The following TUBB6 variants were observed in gnomAD, a reference collection of about 807,000 sequenced individuals.
The protein encoded by TUBB6 is tubulin beta 6 class V.
In TUBB6, 18 loss-of-function variants were observed where a neutral mutation model predicts 32.3. The ratio of observed to expected loss-of-function variants is 0.56; its 90% CI spans 0.39 to 0.83. TUBB6 has a LOEUF of 0.83. Among genes scored for constraint, TUBB6 ranks in the 40% least tolerant of loss-of-function variants. The pLI is 0.00. For missense variants in TUBB6, 480 were observed against 632.0 expected (o/e 0.76, Z 2.58); for synonymous variants, 280 against 265.8 (o/e 1.05, Z -0.52).
chr18:12,325,115 G>T lies in TUBB6; in HGVS notation c.326G>T (p.Gly109Val). The T allele has an allele frequency of 1.3e-6, 2 of 1,599,264 alleles. No homozygotes were observed. Among genetic ancestry groups the T allele is most frequent in the Non-Finnish European group, 1.7e-6 (2 of 1,171,106 alleles). The change falls in exon 4 of 4, where the codon GGC (glycine) becomes GTC (valine). Residue 109 changes from glycine to valine, a missense_variant. Coordinates refer to ENST00000317702, the MANE Select transcript of TUBB6 (RefSeq NM_032525.3). Reference sequence around the variant, plus strand: ...TGGGCGAAAGGGCACTACACGGAGGGCGCGGAGCTGGTGGACGCAGTGCTG... The same window carrying T: ...TGGGCGAAAGGGCACTACACGGAGGTCGCGGAGCTGGTGGACGCAGTGCTG... ...NNWAKGHYTE[G>V]AELVDAVLDV... is the part of the protein sequence containing the mutation.
intron 2 of TUBB6, among the ~76,000 whole-genome samples, chr18:12,310,380 A>G (rs1163629601): frequency 6.6e-6 from 1 of 151,378 alleles, no homozygotes; most frequent in Non-Finnish European, 1.5e-5. Context: ...GGTCCCAGCT[A>G]CTTGGGAGGC....
intron 3 of TUBB6, among the ~76,000 whole-genome samples, chr18:12,321,792 AAAATT>A (rs1468416274): frequency 1.3e-5 from 2 of 152,256 alleles, no homozygotes; most frequent in South Asian, 2.1e-4. Context: ...CATTTTATTA[AAAATT>A]AAATTGACAA....
chr18:12,328,886 T>G (rs1907419208), downstream of TUBB6: 1 of 402,016 alleles, frequency 2.5e-6, no homozygotes, highest in African/African-American at 2.0e-5. Context: ...GCAAGAAAAT[T>G]TAATTTCTTG....
chr18:12,322,158 C>T (rs1216192583), intron 3 of TUBB6, among the ~76,000 whole-genome samples: 8 of 149,552 alleles, frequency 5.3e-5, no homozygotes, highest in Non-Finnish European at 1.2e-4. Context: ...AAAAATTAGC[C>T]GGGTGTGGTG....
Position 12,308,278 on chromosome 18 carries a change from A to T in TUBB6, c.-15A>T, listed in dbSNP as rs1222073908. ...CGTCCGCAGAGCCAGTTCCTAGCGC[A>T]GAGCCGCGCCCGCCATGAGGGAGAT... On this transcript the variant is annotated 5_prime_UTR_variant, in exon 1 of 4. Transcript: ENST00000317702. 6.3e-6 allele frequency: 9 copies of T among 1,439,472 alleles called. No homozygotes were observed. Among genetic ancestry groups the T allele is most frequent in the Non-Finnish European group, 8.2e-6 (9 of 1,090,918 alleles). The allele number at this position is 1,439,472 out of a possible 1,614,324, so 89.2% of individuals were successfully genotyped here. A position where few individuals can be genotyped will look rare whatever the true frequency, so the allele number is the denominator to read the frequency against.
Position 12,308,270 on chromosome 18 carries a change from C to T in TUBB6, c.-23C>T, listed in dbSNP as rs751735606. ...GCCGCTGTCGTCCGCAGAGCCAGTT[C>T]CTAGCGCAGAGCCGCGCCCGCCATG... On this transcript the variant is annotated 5_prime_UTR_variant, in exon 1 of 4. Coordinates refer to ENST00000317702, the MANE Select transcript of TUBB6 (RefSeq NM_032525.3). 24 of 1,430,728 alleles carry T rather than the reference C, an allele frequency of 1.7e-5. No homozygotes were observed. The highest frequency in any genetic ancestry group is 2.3e-5 in the Admixed American group (1 of 43,192). The allele number at this position is 1,430,728 out of a possible 1,614,324, so 88.6% of individuals were successfully genotyped here.
chr18:12,314,917 T>G (rs1181622748), intron 3 of TUBB6, among the ~76,000 whole-genome samples: 1 of 152,212 alleles, frequency 6.6e-6, no homozygotes. Flanking sequence ...CCTGAGTGAT[T>G]CGTATTTATT....
Position 12,311,039 on chromosome 18 carries a change from A to C in TUBB6, c.263A>C (p.Asp88Ala). Residue 88 changes from aspartate (D) to alanine (A), a missense_variant, in exon 3 of 4, where the codon GAC (aspartate) becomes GCC (alanine). By Grantham distance (126) the Asp-to-Ala change is moderately radical (BLOSUM62 -2). Coordinates refer to ENST00000317702, the MANE Select transcript of TUBB6 (RefSeq NM_032525.3). ...SGPFGQLFRPDNFIFGQTGAG... is the reference protein window; with the variant it reads ...SGPFGQLFRPANFIFGQTGAG... ...CCTTTTGGGCAGCTTTTCCGGCCTGACAACTTCATCTTTGGTAGGTTCCAT... is the reference window on the plus strand; with the variant it reads ...CCTTTTGGGCAGCTTTTCCGGCCTGCCAACTTCATCTTTGGTAGGTTCCAT... 2 of 1,612,984 alleles carry C rather than the reference A, an allele frequency of 1.2e-6. No individual in the cohort carries two copies. Among genetic ancestry groups the C allele is most frequent in the Non-Finnish European group, 1.7e-6 (2 of 1,179,458 alleles).
At position 12,325,497 on chromosome 18, in the gene TUBB6, C is replaced by T. The variant is rs762602580; in HGVS notation, c.708C>T (p.Val236=). 82 of 1,614,118 alleles carry T rather than the reference C, an allele frequency of 5.1e-5. No homozygotes were observed. Among genetic ancestry groups the T allele is most frequent in the Non-Finnish European group, 6.5e-5 (77 of 1,180,058 alleles). Residue 236 remains valine, a synonymous_variant, in exon 4 of 4, where the codon GTC becomes GTT. Coordinates refer to ENST00000317702, the MANE Select transcript of TUBB6 (RefSeq NM_032525.3). ...TGGTGTCCGCCACCATGAGTGGGGT[C>T]ACCACCTCGCTGCGCTTCCCGGGCC... ...NHLVSATMSG[V]TTSLRFPGQL...
intron 3 of TUBB6, among the ~76,000 whole-genome samples, chr18:12,323,086 G>A (rs980877189): frequency 2.0e-5 from 3 of 152,116 alleles, no homozygotes; most frequent in African/African-American, 7.2e-5. Flanking sequence ...GTAGTGGCAT[G>A]TGCCTGTAGT....
chr18:12,326,226 T>C lies in TUBB6; in HGVS notation c.*96T>C. The stretch of plus-strand genomic sequence containing the variant: ...CCTATGGCCCTGAATGGTGCACTGG[T>C]TTAATTGTGTTGGTGTCGGCCCCTC... On this transcript the variant is annotated 3_prime_UTR_variant, in exon 4 of 4. Coordinates refer to ENST00000317702, the MANE Select transcript of TUBB6 (RefSeq NM_032525.3). The C allele has an allele frequency of 6.8e-7, 1 of 1,465,416 alleles. No individual in the cohort carries two copies. Among genetic ancestry groups the C allele is most frequent in the Non-Finnish European group, 9.0e-7 (1 of 1,106,422 alleles). 90.8% of individuals were successfully genotyped at this position (1,465,416 alleles called of 1,614,324 possible).
At chr18:12,329,217 A>G (rs759810038), downstream of TUBB6, 3 of 702,838 alleles carry the variant, frequency 4.3e-6, no homozygotes, top group South Asian at 3.0e-5. Context: ...ATCCCTTCCC[A>G]CACGCCAAGA....
At position 12,308,703 on chromosome 18, in the gene TUBB6, G is replaced by T; in HGVS notation, c.74G>T (p.Ser25Ile). ...CTGCCCAAGTTTTGGGAAGTGATCA[G>T]CGATGAGCACGGCATCGACCCGGCC... ...QIGTKFWEVI[S>I]DEHGIDPAGG... The change falls in exon 2 of 4, where the codon AGC (serine) becomes ATC (isoleucine). Residue 25 changes from serine to isoleucine, a missense_variant. Transcript: ENST00000317702. 1 of 1,612,192 alleles carries T rather than the reference G, an allele frequency of 6.2e-7. No homozygotes were observed. Among genetic ancestry groups the T allele is most frequent in the Non-Finnish European group, 8.5e-7 (1 of 1,178,468 alleles).
intron 3 of TUBB6, among the ~76,000 whole-genome samples, chr18:12,312,061 G>GA (rs1906414009): frequency 6.6e-6 from 1 of 152,170 alleles, no homozygotes; most frequent in African/African-American, 2.4e-5. Flanking sequence ...AATACATCAT[G>GA]AAAAATCTAC....
chr18:12,315,847 G>A (rs1459991701), intron 3 of TUBB6, among the ~76,000 whole-genome samples: 1 of 152,212 alleles, frequency 6.6e-6, no homozygotes, highest in Non-Finnish European at 1.5e-5. Context: ...GTTACACAGG[G>A]CTTCATGTAC....
intron 3 of TUBB6, among the ~76,000 whole-genome samples, chr18:12,312,710 G>A (rs1598801097): frequency 6.6e-6 from 1 of 152,112 alleles, no homozygotes; most frequent in Admixed American, 6.6e-5. Flanking sequence ...AAAGATTAAA[G>A]TTTTGGAAGC....
chr18:12,318,721 C>G (rs1003226105), intron 3 of TUBB6, among the ~76,000 whole-genome samples: 6 of 151,536 alleles, frequency 4.0e-5, no homozygotes, highest in Non-Finnish European at 7.4e-5. Context: ...GTTCTGCTCT[C>G]TGGAAACTTC....
At position 12,325,321 on chromosome 18, in the gene TUBB6, A is replaced by T. The variant is rs763147705; in HGVS notation, c.532A>T (p.Thr178Ser). 1.2e-6 allele frequency: 2 copies of T among 1,614,156 alleles called. No individual in the cohort carries two copies. ...SVMPSPKVSDTVVEPYNATLS... is the reference protein window; with the variant it reads ...SVMPSPKVSDSVVEPYNATLS... ...CATGCCCTCGCCCAAGGTGTCGGAC[A>T]CGGTGGTGGAGCCCTACAATGCCAC... Residue 178 changes from threonine (T) to serine (S), a missense_variant, in exon 4 of 4, where the codon ACG (threonine) becomes TCG (serine). Physicochemically the swap from Thr to Ser is moderately conservative, Grantham distance 58. Coordinates refer to ENST00000317702, the MANE Select transcript of TUBB6 (RefSeq NM_032525.3).
Position 12,326,112 on chromosome 18 carries a change from AGAG to A in TUBB6, c.1327_1329del (p.Glu443del), listed in dbSNP as rs1433397653. On this transcript the variant is annotated inframe_deletion, in exon 4 of 4. Transcript: ENST00000317702. ...GGGAGGAAGCTTTTGAGGATGAGGA[AGAG>A]GAGATCGATGGATAGTCGGAATAGA... The A allele has an allele frequency of 1.2e-6, 2 of 1,613,240 alleles. No individual in the cohort carries two copies. The highest frequency in any genetic ancestry group is 1.7e-6 in the Non-Finnish European group (2 of 1,179,520).
Sources: gnomAD v4.1 joint callset for allele counts (sites outside exome capture counted in the v4.1 genomes callset) on GRCh38, gnomAD v4.1.1 for gene constraint, MANE v1.5 for transcripts, NCBI Gene and HGNC (gene_info 2026-07-23, HGNC 2026-07-21) for gene names.